Variants in LINGO2 observed in about 807,000 individuals in gnomAD.
The protein encoded by LINGO2 is leucine-rich repeat and immunoglobulin-like domain-containing nogo receptor-interacting protein 2.
Under a neutral mutation model 30.6 loss-of-function variants are expected in LINGO2, and 14 were observed. The observed-to-expected ratio is 0.46, with a 90% CI of 0.30 to 0.72. The LOEUF (loss-of-function observed/expected upper bound fraction) is 0.72, where lower values mean the gene tolerates loss of function less well. LINGO2 is among the 30% of genes least tolerant of loss of function. LINGO2 has a pLI of 0.07. For missense variants in LINGO2, 729 were observed against 751.7 expected (o/e 0.97, Z 0.35); for synonymous variants, 317 against 288.5 (o/e 1.10, Z -1.00).
chr9:28,151,099 A>G (rs995166994), intron 4 of LINGO2, among the ~76,000 whole-genome samples: 1 of 152,258 alleles, frequency 6.6e-6, no homozygotes, highest in South Asian at 2.1e-4. Context: ...CTCGAGAGAA[A>G]ACTGTACAAG....
At chr9:27,953,361 G>A (rs987128769) in intron 5 of LINGO2, among the ~76,000 whole-genome samples, 1 of 152,120 alleles carries the variant, frequency 6.6e-6, no homozygotes, top group Admixed American at 6.6e-5. Flanking sequence ...AGAGCAAAAT[G>A]GAAATATGTA....
chr9:29,038,130 A>G, the LINGO2 span, among the ~76,000 whole-genome samples: 1 of 151,998 alleles, frequency 6.6e-6, no homozygotes, highest in African/African-American at 2.4e-5. Context: ...TCTCTTGGGT[A>G]TATAACTAAG....
the LINGO2 span, among the ~76,000 whole-genome samples, chr9:29,086,696 G>A: frequency 6.6e-6 from 1 of 152,238 alleles, no homozygotes; most frequent in African/African-American, 2.4e-5. Context: ...ATTCATTAAT[G>A]TATTTCCAAA....
intron 4 of LINGO2, among the ~76,000 whole-genome samples, chr9:28,013,113 G>C (rs761648931): frequency 1.3e-5 from 2 of 152,150 alleles, no homozygotes; most frequent in Non-Finnish European, 2.9e-5. Context: ...TTTTAGCATA[G>C]GGTACCCGAG....
At chr9:27,959,864 G>T (rs1339562217) in intron 5 of LINGO2, among the ~76,000 whole-genome samples, 1 of 151,984 alleles carries the variant, frequency 6.6e-6, no homozygotes, top group Non-Finnish European at 1.5e-5. Context: ...CTGAGAAATG[G>T]GTATTAAAAT....
intron 1 of LINGO2, among the ~76,000 whole-genome samples, chr9:28,544,669 T>C (rs1027584702): frequency 2.6e-5 from 4 of 152,010 alleles, no homozygotes; most frequent in African/African-American, 7.2e-5. Flanking sequence ...AATGCATTAC[T>C]AGCATCATAT....
the LINGO2 span, among the ~76,000 whole-genome samples, chr9:28,766,104 C>T: frequency 1.8e-4 from 28 of 151,950 alleles, no homozygotes; most frequent in African/African-American, 6.8e-4. Context: ...GGTATGGCAT[C>T]AAACTAAAAA....
the LINGO2 span, among the ~76,000 whole-genome samples, chr9:29,044,784 T>A: frequency 1.3e-5 from 2 of 152,172 alleles, no homozygotes; most frequent in Admixed American, 1.3e-4. Flanking sequence ...AGTGGACACT[T>A]GAAGCTGCAG....
At chr9:28,863,728 C>T in the LINGO2 span, 1 of 491,654 alleles carries the variant, frequency 2.0e-6, no homozygotes, top group African/African-American at 1.9e-5. Flanking sequence ...AAGCCTGGTA[C>T]CTATGAACCA....
chr9:29,009,735 C>G, the LINGO2 span, among the ~76,000 whole-genome samples: 10 of 152,174 alleles, frequency 6.6e-5, no homozygotes, highest in East Asian at 1.9e-3. Flanking sequence ...AAATCCTAAG[C>G]CAAAGAACAA....
the LINGO2 span, among the ~76,000 whole-genome samples, chr9:28,820,246 G>GAA: frequency 0.019 from 2,615 of 138,904 alleles, 74 homozygotes; most frequent in African/African-American, 0.059. Context: ...GAGAAAAGAT[G>GAA]AAAAAAAAAA....
At chr9:28,987,895 C>G in the LINGO2 span, among the ~76,000 whole-genome samples, 1 of 152,082 alleles carries the variant, frequency 6.6e-6, no homozygotes, top group African/African-American at 2.4e-5. Flanking sequence ...GGTCAGAAAA[C>G]ATACCTGATA....
intron 1 of LINGO2, among the ~76,000 whole-genome samples, chr9:28,611,706 T>C (rs1825921425): frequency 1.3e-5 from 2 of 152,240 alleles, no homozygotes; most frequent in African/African-American, 4.8e-5. Context: ...TGTTGTTACA[T>C]ACAACAGGAT....
intron 4 of LINGO2, among the ~76,000 whole-genome samples, chr9:28,015,804 TTTTAG>T (rs1822803027): frequency 6.6e-6 from 1 of 152,078 alleles, no homozygotes; most frequent in African/African-American, 2.4e-5. Flanking sequence ...TGTTAATAAT[TTTTAG>T]TTATTAATTT....
chr9:28,028,019 CTTAT>C (rs1248182882), intron 4 of LINGO2, among the ~76,000 whole-genome samples: 15 of 152,262 alleles, frequency 9.9e-5, no homozygotes, highest in African/African-American at 3.4e-4. Flanking sequence ...TGACCACTCA[CTTAT>C]TTGTTATTTA....
chr9:28,506,511 T>TAGATAGATAGATAGATAGATAGATAG (rs1564250867), intron 1 of LINGO2, among the ~76,000 whole-genome samples: 7 of 49,128 alleles, frequency 1.4e-4, no homozygotes, highest in Admixed American at 4.2e-4. Context: ...CAGACATATA[T>TAGATAGATAGATAGATAGATAGATAG]ATATATATAT....
At chr9:29,012,231 G>A in the LINGO2 span, among the ~76,000 whole-genome samples, 8 of 152,010 alleles carry the variant, frequency 5.3e-5, no homozygotes, top group African/African-American at 1.9e-4. Context: ...GGTGGCAGAT[G>A]TCTGTAATCC....
chr9:28,322,213 A>G (rs1207386335), intron 3 of LINGO2, among the ~76,000 whole-genome samples: 1 of 152,196 alleles, frequency 6.6e-6, no homozygotes, highest in Non-Finnish European at 1.5e-5. Context: ...CTTACATTTC[A>G]TGGATGAATC....
At chr9:28,668,374 C>G (rs1828882378) in intron 1 of LINGO2, among the ~76,000 whole-genome samples, 1 of 152,088 alleles carries the variant, frequency 6.6e-6, no homozygotes. Context: ...CCTATCATTT[C>G]ACTCTCCCTA....
Sources: gnomAD v4.1 joint callset for allele counts (sites outside exome capture counted in the v4.1 genomes callset) on GRCh38, gnomAD v4.1.1 for gene constraint, MANE v1.5 for transcripts, NCBI Gene and HGNC (gene_info 2026-07-23, HGNC 2026-07-21) for gene names.